Variants in FAM169A observed in about 807,000 individuals in gnomAD.
FAM169A encodes the protein family with sequence similarity 169 member A, also known as soluble lamin-associated protein of 75 kDa.
Under a neutral mutation model 75.7 loss-of-function variants are expected in FAM169A, and 24 were observed. The ratio of observed to expected loss-of-function variants is 0.32; its 90% CI spans 0.23 to 0.45. The LOEUF (loss-of-function observed/expected upper bound fraction) is 0.45. FAM169A is among the 20% of genes least tolerant of loss of function. The pLI, the probability that FAM169A is intolerant of heterozygous loss-of-function variation, is 1.00. For missense variants in FAM169A, 673 were observed against 784.0 expected (o/e 0.86, Z 1.69); for synonymous variants, 271 against 271.0 (o/e 1.00, Z 0.00).
intron 1 of FAM169A, among the ~76,000 whole-genome samples, chr5:74,851,929 C>A (rs1749464986): frequency 6.6e-6 from 1 of 152,040 alleles, no homozygotes; most frequent in African/African-American, 2.4e-5. Context: ...AGGATACAAC[C>A]AATTTTTAAA....
chr5:74,808,421 AT>A (rs112147177), intron 6 of FAM169A, among the ~76,000 whole-genome samples: 13,901 of 152,118 alleles, frequency 0.091, 1,560 homozygotes, highest in African/African-American at 0.27. Context: ...GGTAGCTAGC[AT>A]GGGCAAATTC....
At chr5:74,799,100 A>G (rs1746429973) in intron 10 of FAM169A, 1 of 982,738 alleles carries the variant, frequency 1.0e-6, no homozygotes, top group Non-Finnish European at 1.7e-6. Context: ...CACATCTATA[A>G]GAAGAATGGG....
intron 10 of FAM169A, among the ~76,000 whole-genome samples, chr5:74,798,771 T>C (rs574000246): frequency 2.0e-4 from 31 of 152,328 alleles, no homozygotes; most frequent in African/African-American, 7.5e-4. Flanking sequence ...GTTGATTCAG[T>C]TGGCAACTAA....
In FAM169A at chr5:74,816,445, A is replaced by T. The variant is rs115349122; in HGVS notation, c.491-2426T>A. ...AATTCCAGTATCTCAGACTAGTGTT[A>T]AAATGGCCAGTTTATGGAACAAGCA... is the stretch of plus-strand genomic sequence containing the variant. On this transcript the variant is annotated intron_variant, in intron 5 of 12. Coordinates refer to ENST00000687041, the MANE Select transcript of FAM169A (RefSeq NM_001376049.1). 4.3e-3 allele frequency among the ~76,000 whole-genome samples: 659 copies of T among 152,326 alleles called. 2 individuals carry two copies. The highest frequency in any genetic ancestry group is 0.015 in the African/African-American group (617 of 41,574).
intron 5 of FAM169A, among the ~76,000 whole-genome samples, chr5:74,825,743 T>A (rs1482113969): frequency 1.3e-5 from 2 of 152,184 alleles, no homozygotes; most frequent in Admixed American, 6.6e-5. Flanking sequence ...CCACTTCTAG[T>A]ATTCATGTTG....
intron 9 of FAM169A, 41 bp from the exon 10 acceptor site, chr5:74,801,071 T>C: frequency 1.4e-6 from 2 of 1,439,456 alleles, no homozygotes; most frequent in Non-Finnish European, 9.2e-7. Flanking sequence ...ATTGATTATA[T>C]ATTAAAAGGA....
At chr5:74,846,267 C>A (rs755380799) in intron 1 of FAM169A, among the ~76,000 whole-genome samples, 3 of 152,156 alleles carry the variant, frequency 2.0e-5, no homozygotes, top group Non-Finnish European at 4.4e-5. Flanking sequence ...ATGGATGAAA[C>A]ACATTTAAAT....
chr5:74,863,784 T>C (rs1005905814), intron 1 of FAM169A, among the ~76,000 whole-genome samples: 2 of 152,158 alleles, frequency 1.3e-5, no homozygotes, highest in African/African-American at 4.8e-5. Flanking sequence ...CAATACAATC[T>C]TACCAATTCA....
chr5:74,800,013 C>A lies in FAM169A; in HGVS notation c.1103+867G>T. On this transcript the variant is annotated intron_variant, in intron 10 of 12. Coordinates refer to ENST00000687041, the MANE Select transcript of FAM169A (RefSeq NM_001376049.1). Reference sequence around the variant, plus strand: ...TTATGAGGTGGATGAGAAAGATTGTCGCAAATATTGCACTACTGGCATCGA... The same window carrying A: ...TTATGAGGTGGATGAGAAAGATTGTAGCAAATATTGCACTACTGGCATCGA... 2 of 778,288 alleles carry A rather than the reference C, an allele frequency of 2.6e-6. 1 individual carries two copies. The highest frequency in any genetic ancestry group is 2.7e-5 in the South Asian group (2 of 73,750). 48.2% of individuals were successfully genotyped at this position (778,288 alleles called of 1,614,324 possible).
intron 1 of FAM169A, among the ~76,000 whole-genome samples, chr5:74,843,493 T>C (rs897194692): frequency 1.3e-5 from 2 of 152,166 alleles, no homozygotes; most frequent in African/African-American, 4.8e-5. Context: ...AATCAACAAA[T>C]GGAACAAGAT....
At chr5:74,799,391 T>A in intron 10 of FAM169A, 1 of 1,613,144 alleles carries the variant, frequency 6.2e-7, no homozygotes. Flanking sequence ...GACTGGTGGG[T>A]GAGCAAGCAC....
intron 6 of FAM169A, 107 bp from the exon 7 acceptor site, chr5:74,805,391 C>G: frequency 1.1e-6 from 1 of 895,584 alleles, no homozygotes; most frequent in Non-Finnish European, 1.7e-6. Flanking sequence ...CTAGCATAAC[C>G]TTGATACCAA....
chr5:74,866,168 A>T lies in FAM169A; in HGVS notation c.-7T>A, dbSNP rs1266564569. 2 of 983,648 alleles carry T rather than the reference A, an allele frequency of 2.0e-6. No homozygotes were observed. Among genetic ancestry groups the T allele is most frequent in the East Asian group, 2.3e-4 (2 of 8,788 alleles). The allele number at this position is 983,648 out of a possible 1,614,324, so 60.9% of individuals were successfully genotyped here. A position where few individuals can be genotyped will look rare whatever the true frequency, so the allele number is the denominator to read the frequency against. On this transcript the variant is annotated 5_prime_UTR_variant, in exon 1 of 13. Coordinates refer to ENST00000687041, the MANE Select transcript of FAM169A (RefSeq NM_001376049.1). The stretch of plus-strand genomic sequence containing the variant: ...CGGGGAGAGGGAGCGCACTCACCTC[A>T]GACGCGCCCCGGGAGCCGCTGGAAG...
Position 74,780,155 on chromosome 5 carries a change from A to AT in FAM169A, c.*1304dup, listed in dbSNP as rs1422437875. The AT allele has an allele frequency of 6.6e-6, 1 of 152,150 alleles. No individual in the cohort carries two copies. The highest frequency in any genetic ancestry group is 1.5e-5 in the Non-Finnish European group (1 of 68,024). 9.4% of individuals were successfully genotyped at this position (152,150 alleles called of 1,614,324 possible). On this transcript the variant is annotated 3_prime_UTR_variant, in exon 13 of 13. Transcript: ENST00000687041. The stretch of plus-strand genomic sequence containing the variant: ...CTTCAAATTTTCCTAGGCCTTTGTT[A>AT]TGGCAACACAATATATACTTAACAG...
intron 5 of FAM169A, among the ~76,000 whole-genome samples, chr5:74,833,121 CA>C (rs533437901): frequency 2.2e-3 from 332 of 152,190 alleles, no homozygotes; most frequent in Non-Finnish European, 3.2e-3. Flanking sequence ...GCCCTCAATA[CA>C]AAAGTATAAA....
At chr5:74,836,897 G>A (rs1469542449) in intron 4 of FAM169A, among the ~76,000 whole-genome samples, 3 of 151,352 alleles carry the variant, frequency 2.0e-5, no homozygotes, top group African/African-American at 4.9e-5. Flanking sequence ...GCAGTGAGCC[G>A]AGATCATGCC....
chr5:74,813,763 C>T, intron 6 of FAM169A, 77 bp downstream of exon 6: 2 of 1,151,170 alleles, frequency 1.7e-6, no homozygotes, highest in Admixed American at 2.8e-5. Flanking sequence ...GATATATACA[C>T]ATTTACCGTA....
At chr5:74,814,549 T>C (rs1216228932) in intron 5 of FAM169A, among the ~76,000 whole-genome samples, 3 of 152,134 alleles carry the variant, frequency 2.0e-5, no homozygotes, top group African/African-American at 7.2e-5. Context: ...GTGAATTAGT[T>C]CTCCAAATTT....
chr5:74,804,732 G>A, intron 7 of FAM169A, 127 bp from the exon 8 acceptor site: 2 of 542,260 alleles, frequency 3.7e-6, no homozygotes, highest in East Asian at 5.8e-5. Flanking sequence ...ATCTAGGTGT[G>A]AGATGTTCTC....
Sources: allele counts gnomAD v4.1 joint callset (sites outside exome capture counted in the v4.1 genomes callset), GRCh38; gene constraint gnomAD v4.1.1; transcripts MANE v1.5; gene names NCBI Gene and HGNC (gene_info 2026-07-23, HGNC 2026-07-21).